Variants in RNF38 observed in about 807,000 individuals in gnomAD.
RNF38 encodes E3 ubiquitin-protein ligase RNF38.
In RNF38, 15 loss-of-function variants were observed where a neutral mutation model predicts 67.2. That is an observed-to-expected ratio of 0.22 (90% CI 0.15 to 0.34). The LOEUF is 0.34. Among genes scored for constraint, RNF38 ranks in the 10% least tolerant of loss-of-function variants. The pLI, the probability that RNF38 is intolerant of heterozygous loss-of-function variation, is 1.00. For missense variants in RNF38, 524 were observed against 639.9 expected, an observed-to-expected ratio of 0.82 and a Z score of 1.95; for synonymous variants, 220 against 218.8, an observed-to-expected ratio of 1.01 and a Z score of -0.05.
chr9:36,436,420 T>C (rs1484055207), intron 1 of RNF38, among the ~76,000 whole-genome samples: 2 of 152,226 alleles, frequency 1.3e-5, no homozygotes, highest in African/African-American at 4.8e-5. Flanking sequence ...AAAATAGTAA[T>C]GACAGACTCA....
At chr9:36,378,169 CTT>C (rs35057784) in intron 2 of RNF38, among the ~76,000 whole-genome samples, 5,029 of 114,430 alleles carry the variant, frequency 0.044, 72 homozygotes, top group East Asian at 0.1. Flanking sequence ...TTAACACTGA[CTT>C]TTTTTTTTTT....
intron 1 of RNF38, among the ~76,000 whole-genome samples, chr9:36,461,866 TA>T (rs1181019246): frequency 1.3e-5 from 2 of 152,176 alleles, no homozygotes; most frequent in Non-Finnish European, 2.9e-5. Context: ...GAACTCCCTA[TA>T]AAATACAAAT....
At chr9:36,370,475 TG>T (rs1835292100) in intron 3 of RNF38, among the ~76,000 whole-genome samples, 1 of 152,118 alleles carries the variant, frequency 6.6e-6, no homozygotes, top group Non-Finnish European at 1.5e-5. Flanking sequence ...AAATAGAAAC[TG>T]GGTAAACACG....
chr9:36,356,244 G>GA (rs1392227350), intron 6 of RNF38, 59 bp downstream of exon 6: 1 of 1,550,424 alleles, frequency 6.4e-7, no homozygotes, highest in Non-Finnish European at 8.8e-7. Flanking sequence ...TAAACATTCT[G>GA]AAAAAATTAA....
Position 36,344,708 on chromosome 9 carries a change from C to T in RNF38, c.1385+124G>A, listed in dbSNP as rs551552986. 2.3e-5 allele frequency: 20 copies of T among 857,498 alleles called. No homozygotes were observed. In the Admixed American group the frequency reaches 3.7e-4, roughly 16 times the overall value. 53.1% of individuals were successfully genotyped at this position (857,498 alleles called of 1,614,324 possible). A position where few individuals can be genotyped will look rare whatever the true frequency, so the allele number is the denominator to read the frequency against. Reference sequence around the variant, plus strand: ...TTATCTTTATCAAAGTTATCTCTGACTCCTAAGCATTTTCTTTCAATTTTT... The same window carrying T: ...TTATCTTTATCAAAGTTATCTCTGATTCCTAAGCATTTTCTTTCAATTTTT... On this transcript the variant is annotated intron_variant, in intron 10 of 11. Transcript: ENST00000259605.
upstream of RNF38, chr9:36,400,914 G>GCCCCGCCGCACCCCGCCGCA: frequency 1.1e-6 from 1 of 939,034 alleles, no homozygotes; most frequent in Non-Finnish European, 1.2e-6. Flanking sequence ...GCCCCGCCGC[G>GCCCCGCCGCACCCCGCCGCA]CCCCGCCGCA....
At chr9:36,408,110 C>CG (rs1838226808) in intron 2 of RNF38, among the ~76,000 whole-genome samples, 1 of 152,008 alleles carries the variant, frequency 6.6e-6, no homozygotes, top group South Asian at 2.1e-4. Context: ...AAGGCAGCAT[C>CG]AATTTTTTTA....
At chr9:36,397,094 T>C (rs1837589237) in intron 1 of RNF38, among the ~76,000 whole-genome samples, 1 of 139,764 alleles carries the variant, frequency 7.2e-6, no homozygotes, top group African/African-American at 2.8e-5. Context: ...TATATATATA[T>C]ATATGTTTTG....
In RNF38 at chr9:36,369,813, C is replaced by T. The variant is rs1207304243; in HGVS notation, c.476G>A (p.Arg159Gln). The T allele has an allele frequency of 9.9e-6, 16 of 1,613,732 alleles. No individual in the cohort carries two copies. Among genetic ancestry groups the T allele is most frequent in the Admixed American group, 1.7e-5 (1 of 59,994 alleles). The change falls in exon 4 of 12, where the codon CGA (arginine) becomes CAA (glutamine). Residue 159 changes from arginine (R) to glutamine (Q), a missense_variant. Arg to Gln is a conservative substitution (Grantham distance 43). Transcript: ENST00000259605. Reference protein sequence around the residue: ...YAQQQAIEEPRAFHPPNVSPR... With the variant: ...YAQQQAIEEPQAFHPPNVSPR... ...AGATACATTCGGAGGGTGGAAGGCT[C>T]GAGGCTCCTCTATTGCTTGCTGCTG...
chr9:36,461,749 G>T (rs1194750321), intron 1 of RNF38, among the ~76,000 whole-genome samples: 2 of 152,096 alleles, frequency 1.3e-5, no homozygotes, highest in Non-Finnish European at 2.9e-5. Context: ...AAAAACAAAG[G>T]TGCCAAAAAT....
intron 1 of RNF38, among the ~76,000 whole-genome samples, chr9:36,440,083 T>G (rs1313117729): frequency 2.6e-5 from 4 of 151,990 alleles, no homozygotes; most frequent in African/African-American, 9.7e-5. Context: ...CTGTCTCTAC[T>G]AAAAATACAA....
chr9:36,443,939 G>T (rs1165708897), intron 1 of RNF38, among the ~76,000 whole-genome samples: 1 of 152,200 alleles, frequency 6.6e-6, no homozygotes, highest in Non-Finnish European at 1.5e-5. Context: ...TCACTCGACA[G>T]AACCAAGCAG....
At chr9:36,346,328 C>T (rs1833237028) in intron 9 of RNF38, among the ~76,000 whole-genome samples, 2 of 152,088 alleles carry the variant, frequency 1.3e-5, no homozygotes, top group South Asian at 4.2e-4. Context: ...GCCTCCTCCT[C>T]CTGAGTAGCT....
At chr9:36,404,874 C>A (rs1446160899), upstream of RNF38, among the ~76,000 whole-genome samples, 1 of 151,972 alleles carries the variant, frequency 6.6e-6, no homozygotes, top group Admixed American at 6.6e-5. Context: ...CAAACCTCAA[C>A]TGAAAAACTG....
At chr9:36,481,024 T>C (rs28601003) in intron 1 of RNF38, among the ~76,000 whole-genome samples, 2,303 of 150,342 alleles carry the variant, frequency 0.015, 60 homozygotes, top group African/African-American at 0.054. Context: ...TTCTTTTTTT[T>C]TTTTTTTTGA....
chr9:36,402,598 GA>G (rs1365923843), upstream of RNF38, among the ~76,000 whole-genome samples: 1 of 151,982 alleles, frequency 6.6e-6, no homozygotes, highest in Non-Finnish European at 1.5e-5. Flanking sequence ...AAGGGGAGAA[GA>G]ACATCAGGAA....
chr9:36,370,297 T>C (rs901400929), intron 3 of RNF38, among the ~76,000 whole-genome samples: 15 of 152,178 alleles, frequency 9.9e-5, no homozygotes, highest in Non-Finnish European at 7.3e-5. Context: ...TAAAACGAAC[T>C]TTAATCTGTA....
At chr9:36,449,173 C>A (rs1455067566) in intron 1 of RNF38, among the ~76,000 whole-genome samples, 1 of 152,136 alleles carries the variant, frequency 6.6e-6, no homozygotes, top group Non-Finnish European at 1.5e-5. Flanking sequence ...CAGAGACTTG[C>A]CATGGTTTAA....
intron 2 of RNF38, among the ~76,000 whole-genome samples, chr9:36,376,531 T>C (rs1386369329): frequency 2.0e-5 from 3 of 152,142 alleles, no homozygotes; most frequent in Non-Finnish European, 4.4e-5. Context: ...GAGTTCAGCT[T>C]AGTAGGAGAT....
Sources: gnomAD v4.1 joint callset for allele counts (sites outside exome capture counted in the v4.1 genomes callset) on GRCh38, gnomAD v4.1.1 for gene constraint, MANE v1.5 for transcripts, NCBI Gene and HGNC (gene_info 2026-07-23, HGNC 2026-07-21) for gene names.